Variants in KDM5A observed in about 807,000 individuals in gnomAD.
KDM5A encodes the protein lysine demethylase 5A, also known as lysine-specific demethylase 5A.
A neutral mutation model predicts 193.5 loss-of-function variants in KDM5A; 42 were observed. The ratio of observed to expected loss-of-function variants is 0.22; its 90% CI spans 0.17 to 0.28. The LOEUF (loss-of-function observed/expected upper bound fraction) is 0.28, where lower values mean the gene tolerates loss of function less well. Among genes scored for constraint, KDM5A ranks in the 10% least tolerant of loss-of-function variants. The pLI is 1.00. For missense variants in KDM5A, 1,692 were observed against 2,055.1 expected (o/e 0.82, Z 3.42); for synonymous variants, 796 against 718.1 (o/e 1.11, Z -1.73).
At chr12:371,058 T>TA (rs1244609328) in intron 3 of KDM5A, among the ~76,000 whole-genome samples, 1 of 123,166 alleles carries the variant, frequency 8.1e-6, no homozygotes, top group Non-Finnish European at 1.8e-5. Flanking sequence ...CTATTGTGAA[T>TA]AGTGCCACAA....
chr12:367,098 T>C (rs571673098), intron 3 of KDM5A, among the ~76,000 whole-genome samples: 3 of 152,214 alleles, frequency 2.0e-5, no homozygotes, highest in Admixed American at 2.0e-4. Context: ...TGCACAATAA[T>C]GAAATCCTCA....
At chr12:350,529 A>T in intron 10 of KDM5A, 92 bp downstream of exon 10, 1 of 1,234,400 alleles carries the variant, frequency 8.1e-7, no homozygotes, top group Non-Finnish European at 1.2e-6. Flanking sequence ...CTACGTATTT[A>T]ATATTTTAAG....
At chr12:379,177 A>T (rs939378831) in intron 3 of KDM5A, among the ~76,000 whole-genome samples, 9 of 152,148 alleles carry the variant, frequency 5.9e-5, no homozygotes, top group Admixed American at 1.3e-4. Context: ...TCATATATAA[A>T]AAAAAAACTT....
At chr12:289,641 G>A (rs1943263792) in intron 27 of KDM5A, among the ~76,000 whole-genome samples, 2 of 149,878 alleles carry the variant, frequency 1.3e-5, no homozygotes, top group African/African-American at 4.9e-5. Flanking sequence ...CTGGAGCCCA[G>A]GAGATCAAGG....
chr12:297,257 A>G (rs886802584), intron 24 of KDM5A, 57 bp from the exon 25 acceptor site: 1 of 1,532,594 alleles, frequency 6.5e-7, no homozygotes, highest in Admixed American at 1.7e-5. Context: ...TTATTTTATG[A>G]CAAGGCCCAA....
Position 284,102 on chromosome 12 carries a change from C to T in KDM5A, c.*1354G>A, listed in dbSNP as rs1345339136. On this transcript the variant is annotated 3_prime_UTR_variant, in exon 28 of 28. Transcript: ENST00000399788. ...GCTGGGATGGAGGAGGGAGTGCTAACTCCTTGTACTACAAAGAAGGAATGG... is the reference window on the plus strand; with the variant it reads ...GCTGGGATGGAGGAGGGAGTGCTAATTCCTTGTACTACAAAGAAGGAATGG... 4.3e-6 allele frequency: 1 copy of T among 232,118 alleles called. No homozygotes were observed. Among genetic ancestry groups the T allele is most frequent in the Non-Finnish European group, 8.5e-6 (1 of 117,402 alleles). The allele number at this position is 232,118 out of a possible 1,614,324, so 14.4% of individuals were successfully genotyped here.
chr12:283,099 T>G lies in KDM5A; in HGVS notation c.*2357A>C, dbSNP rs1465513629. ...CATACTTTCTCAGCATCCTCATGACTCTCCACTGATAGTGGAATAGTTAAT... is the reference window on the plus strand; with the variant it reads ...CATACTTTCTCAGCATCCTCATGACGCTCCACTGATAGTGGAATAGTTAAT... On this transcript the variant is annotated 3_prime_UTR_variant, in exon 28 of 28. Transcript: ENST00000399788. The G allele has an allele frequency of 4.3e-6, 1 of 231,054 alleles. No homozygotes were observed. The highest frequency in any genetic ancestry group is 8.6e-6 in the Non-Finnish European group (1 of 116,816). 14.3% of individuals were successfully genotyped at this position (231,054 alleles called of 1,614,324 possible).
chr12:350,587 T>C (rs746176060), intron 10 of KDM5A, 34 bp downstream of exon 10: 7 of 1,612,314 alleles, frequency 4.3e-6, no homozygotes, highest in Non-Finnish European at 5.9e-6. Context: ...CTAAATCAGC[T>C]TGGGGGTAAG....
At chr12:351,874 C>A (rs763183751) in intron 9 of KDM5A, among the ~76,000 whole-genome samples, 49 of 151,836 alleles carry the variant, frequency 3.2e-4, no homozygotes, top group Non-Finnish European at 5.6e-4. Flanking sequence ...GAGGCCGAGG[C>A]GAGTGGATAA....
At chr12:296,988 T>G in intron 25 of KDM5A, 53 bp downstream of exon 25, 1 of 1,570,018 alleles carries the variant, frequency 6.4e-7, no homozygotes, top group East Asian at 2.2e-5. Flanking sequence ...CATAATGCTT[T>G]TTCTCATTGG....
intron 3 of KDM5A, among the ~76,000 whole-genome samples, chr12:380,389 C>A (rs1944559568): frequency 6.6e-6 from 1 of 151,992 alleles, no homozygotes; most frequent in African/African-American, 2.4e-5. Flanking sequence ...CTTACTCTAG[C>A]AAATTCCTTA....
At position 327,233 on chromosome 12, in the gene KDM5A, A is replaced by G. The variant is rs148360594; in HGVS notation, c.1968+1602T>C. Among the ~76,000 whole-genome samples, 11 of 152,336 alleles carry G rather than the reference A, an allele frequency of 7.2e-5. 1 individual carries two copies. Among genetic ancestry groups the G allele is most frequent in the African/African-American group, 2.6e-4 (11 of 41,578 alleles). ...AGGAGATGGGACATTCAAATTATCA[A>G]AGCACAAGGGAAATAATGTCCCATT... On this transcript the variant is annotated intron_variant, in intron 14 of 27. Transcript: ENST00000399788.
intron 24 of KDM5A, among the ~76,000 whole-genome samples, chr12:304,422 TG>T (rs1591903173): frequency 6.7e-6 from 1 of 148,170 alleles, no homozygotes; most frequent in East Asian, 2.0e-4. Context: ...GCTTGCTCTG[TG>T]GGAAAATGCT....
intron 18 of KDM5A, among the ~76,000 whole-genome samples, chr12:318,968 G>C (rs1487274524): frequency 6.6e-6 from 1 of 152,240 alleles, no homozygotes; most frequent in Non-Finnish European, 1.5e-5. Flanking sequence ...GGAACTACAA[G>C]AGGATCTGAA....
At chr12:349,331 T>A (rs1280151020) in intron 10 of KDM5A, among the ~76,000 whole-genome samples, 2 of 62,626 alleles carry the variant, frequency 3.2e-5, no homozygotes, top group Non-Finnish European at 5.6e-5. Context: ...TCTTCTAGAC[T>A]TTTTTTTTTT....
chr12:318,712 G>A (rs943069756), intron 18 of KDM5A, among the ~76,000 whole-genome samples: 10 of 152,158 alleles, frequency 6.6e-5, no homozygotes, highest in Non-Finnish European at 1.3e-4. Flanking sequence ...CTTAGATGCA[G>A]GCACTTTTCT....
intron 10 of KDM5A, among the ~76,000 whole-genome samples, chr12:344,817 A>C (rs1371093001): frequency 1.3e-5 from 2 of 152,212 alleles, no homozygotes; most frequent in East Asian, 3.8e-4. Context: ...GAAACAAGCC[A>C]AATTGAAAAG....
chr12:310,749 A>G, intron 21 of KDM5A, 136 bp downstream of exon 21: 2 of 1,031,138 alleles, frequency 1.9e-6, no homozygotes, highest in South Asian at 2.6e-5. Flanking sequence ...AAGGTTCCAG[A>G]TTTCAAGTCA....
intron 10 of KDM5A, among the ~76,000 whole-genome samples, chr12:347,018 C>A (rs1944086758): frequency 6.6e-6 from 1 of 152,156 alleles, no homozygotes; most frequent in Non-Finnish European, 1.5e-5. Flanking sequence ...TAGAAAATCC[C>A]ATCATCTCAG....
Sources: allele counts gnomAD v4.1 joint callset (sites outside exome capture counted in the v4.1 genomes callset), GRCh38; gene constraint gnomAD v4.1.1; transcripts MANE v1.5; gene names NCBI Gene and HGNC (gene_info 2026-07-23, HGNC 2026-07-21).